Variants in ARL15 observed in about 807,000 individuals in gnomAD.
The protein encoded by ARL15 is ARF like GTPase 15.
ARL15 carries 19 observed loss-of-function variants against 25.2 expected under a neutral mutation model. That is an observed-to-expected ratio of 0.75 (90% CI 0.53 to 1.10). ARL15 has a LOEUF of 1.10. Among genes scored for constraint, ARL15 ranks in the 50% least tolerant of loss-of-function variants. ARL15 has a pLI of 0.00. For synonymous variants in ARL15, 94 were observed against 86.8 expected, an observed-to-expected ratio of 1.08 and a Z score of -0.46; for missense variants, 220 against 246.0, an observed-to-expected ratio of 0.89 and a Z score of 0.71.
intron 2 of ARL15, among the ~76,000 whole-genome samples, chr5:54,168,400 T>C (rs889208954): frequency 5.2e-5 from 2 of 38,186 alleles, no homozygotes; most frequent in Non-Finnish European, 1.0e-4. Context: ...TTCTCCCTAC[T>C]TTTTTTTTTT....
intron 3 of ARL15, among the ~76,000 whole-genome samples, chr5:54,147,420 C>A (rs1295793138): frequency 6.6e-6 from 1 of 152,184 alleles, no homozygotes; most frequent in Admixed American, 6.5e-5. Flanking sequence ...TTAAAACTTA[C>A]ATTTTACGTA....
intron 4 of ARL15, among the ~76,000 whole-genome samples, chr5:53,957,763 G>A (rs1186652443): frequency 1.3e-5 from 2 of 152,172 alleles, no homozygotes; most frequent in East Asian, 1.9e-4. Flanking sequence ...GGTCAAGGCT[G>A]CAATGAGCCA....
At position 53,962,508 on chromosome 5, in the gene ARL15, T is replaced by C. The variant is rs1444584284; in HGVS notation, c.463-75795A>G. Among the ~76,000 whole-genome samples, 4 of 152,136 alleles carry C rather than the reference T, an allele frequency of 2.6e-5. No homozygotes were observed. In the East Asian group the frequency reaches 7.7e-4, roughly 29 times the overall value. On this transcript the variant is annotated intron_variant, in intron 4 of 4. Transcript: ENST00000504924. ...TGGAACCATACAAGAGTGTGTTGTGTGTGTCACTTTTTGAACAGTAAGTTT... is the reference window on the plus strand; with the variant it reads ...TGGAACCATACAAGAGTGTGTTGTGCGTGTCACTTTTTGAACAGTAAGTTT...
chr5:53,977,819 G>T (rs1747989878), intron 4 of ARL15, among the ~76,000 whole-genome samples: 1 of 152,134 alleles, frequency 6.6e-6, no homozygotes. Flanking sequence ...CTGGTACCCT[G>T]TATGACCTTG....
At chr5:53,924,048 C>A (rs1386457193) in intron 4 of ARL15, among the ~76,000 whole-genome samples, 2 of 152,134 alleles carry the variant, frequency 1.3e-5, no homozygotes, top group African/African-American at 4.8e-5. Flanking sequence ...ACTATAAGTT[C>A]TCTTCCTGGC....
At chr5:54,251,139 C>A (rs868457939) in intron 1 of ARL15, among the ~76,000 whole-genome samples, 2 of 59,908 alleles carry the variant, frequency 3.3e-5, no homozygotes, top group Admixed American at 1.5e-4. Flanking sequence ...GAAAGCCCCT[C>A]CCCTAATTCA....
chr5:54,060,167 T>C (rs1317392119), intron 4 of ARL15, among the ~76,000 whole-genome samples: 1 of 147,430 alleles, frequency 6.8e-6, no homozygotes, highest in Non-Finnish European at 1.5e-5. Flanking sequence ...GGGTGCGGTG[T>C]CTCACACCTG....
chr5:54,179,535 G>A (rs1754984942), intron 1 of ARL15, among the ~76,000 whole-genome samples: 1 of 152,180 alleles, frequency 6.6e-6, no homozygotes, highest in African/African-American at 2.4e-5. Flanking sequence ...AGTTAGAGAA[G>A]TTGGGTGAGA....
intron 1 of ARL15, among the ~76,000 whole-genome samples, chr5:54,284,846 C>G (rs1166555998): frequency 2.0e-5 from 3 of 152,200 alleles, no homozygotes; most frequent in African/African-American, 7.2e-5. Flanking sequence ...CAATAATATT[C>G]TCAACAATGG....
chr5:54,025,547 C>T (rs964803214), intron 4 of ARL15, among the ~76,000 whole-genome samples: 4 of 152,134 alleles, frequency 2.6e-5, no homozygotes, highest in Admixed American at 6.5e-5. Context: ...AACGAAAAGA[C>T]ATGTGTTTCT....
chr5:53,945,219 AACAG>A (rs1317829040), intron 4 of ARL15, among the ~76,000 whole-genome samples: 2 of 152,342 alleles, frequency 1.3e-5, no homozygotes, highest in East Asian at 1.9e-4. Context: ...TTCCTGATCT[AACAG>A]ACAATCGCTA....
At chr5:53,991,568 G>A (rs868364936) in intron 4 of ARL15, among the ~76,000 whole-genome samples, 5 of 136,404 alleles carry the variant, frequency 3.7e-5, no homozygotes, top group Non-Finnish European at 6.4e-5. Flanking sequence ...AAAAGGGGGG[G>A]CGGGGGGCAA....
At chr5:54,091,845 C>T (rs1752137042) in intron 4 of ARL15, among the ~76,000 whole-genome samples, 1 of 152,134 alleles carries the variant, frequency 6.6e-6, no homozygotes, top group African/African-American at 2.4e-5. Flanking sequence ...TAGGTCACGC[C>T]TACAACAGGC....
At chr5:53,996,322 T>C (rs1036419561) in intron 4 of ARL15, among the ~76,000 whole-genome samples, 3 of 152,042 alleles carry the variant, frequency 2.0e-5, no homozygotes, top group African/African-American at 7.2e-5. Context: ...TACTCAACAT[T>C]AGAACACCCC....
At chr5:54,214,676 G>A (rs1004717564) in intron 1 of ARL15, among the ~76,000 whole-genome samples, 2 of 152,132 alleles carry the variant, frequency 1.3e-5, no homozygotes, top group South Asian at 2.1e-4. Flanking sequence ...AACACGAAAC[G>A]TCCTGAACAC....
chr5:54,038,543 T>C (rs1750238918), intron 4 of ARL15, among the ~76,000 whole-genome samples: 1 of 151,820 alleles, frequency 6.6e-6, no homozygotes, highest in African/African-American at 2.4e-5. Context: ...TTGAAAACAA[T>C]GAAATACCTT....
chr5:54,044,401 G>A (rs190985943), intron 4 of ARL15, among the ~76,000 whole-genome samples: 6 of 151,682 alleles, frequency 4.0e-5, no homozygotes, highest in Non-Finnish European at 7.4e-5. Flanking sequence ...TCACCACCAC[G>A]CCTGGCTAAC....
intron 3 of ARL15, 25 bp from the exon 4 acceptor site, chr5:54,113,435 G>T (rs755313858): frequency 1.2e-6 from 2 of 1,601,822 alleles, no homozygotes; most frequent in South Asian, 1.1e-5. Flanking sequence ...ACAAATTTTC[G>T]TTTTAAAAAG....
At chr5:54,145,615 T>TGTGTGTGTGTGCGTGC (rs1554043543) in intron 3 of ARL15, among the ~76,000 whole-genome samples, 1 of 152,098 alleles carries the variant, frequency 6.6e-6, no homozygotes, top group Non-Finnish European at 1.5e-5. Context: ...GGATGGTGTG[T>TGTGTGTGTGTGCGTGC]GTGTGTGTGT....
Sources: allele counts gnomAD v4.1 joint callset (sites outside exome capture counted in the v4.1 genomes callset), GRCh38; gene constraint gnomAD v4.1.1; transcripts MANE v1.5; gene names NCBI Gene and HGNC (gene_info 2026-07-23, HGNC 2026-07-21).